OR9Q1: variants seen among roughly 807,000 people sequenced by gnomAD.
OR9Q1 encodes the protein olfactory receptor family 9 subfamily Q member 1.
For missense variants in OR9Q1, 374 were observed against 378.8 expected (o/e 0.99, Z 0.11); for synonymous variants, 153 against 148.6 (o/e 1.03, Z -0.22).
chr11:58,103,353 C>A (rs779044777), intron 2 of OR9Q1, among the ~76,000 whole-genome samples: 4 of 152,046 alleles, frequency 2.6e-5, no homozygotes, highest in Non-Finnish European at 4.4e-5. Context: ...CCACAACATG[C>A]GGTGATTATG....
At chr11:58,109,272 C>T (rs749304851) in intron 2 of OR9Q1, 2 of 462,536 alleles carry the variant, frequency 4.3e-6, no homozygotes, top group Non-Finnish European at 8.7e-6. Flanking sequence ...TGTTACAGTG[C>T]AGTGGATTGC....
At chr11:58,080,780 G>A (rs570352636) in intron 2 of OR9Q1, among the ~76,000 whole-genome samples, 12 of 152,058 alleles carry the variant, frequency 7.9e-5, no homozygotes, top group African/African-American at 2.2e-4. Context: ...TTGACTGCTC[G>A]TATGTGTCCA....
intron 2 of OR9Q1, among the ~76,000 whole-genome samples, chr11:58,154,097 G>T (rs1337631245): frequency 1.3e-5 from 2 of 151,654 alleles, no homozygotes; most frequent in African/African-American, 4.9e-5. Flanking sequence ...AGAAGAAGAA[G>T]GGGAGGAGGA....
chr11:58,092,136 CCATTTA>C (rs1853690383), intron 2 of OR9Q1, among the ~76,000 whole-genome samples: 1 of 152,016 alleles, frequency 6.6e-6, no homozygotes, highest in African/African-American at 2.4e-5. Flanking sequence ...GGCATTTAGC[CCATTTA>C]CATTTAAGGT....
At chr11:58,088,523 A>G (rs1339820679) in intron 2 of OR9Q1, among the ~76,000 whole-genome samples, 7 of 151,890 alleles carry the variant, frequency 4.6e-5, no homozygotes, top group Non-Finnish European at 8.8e-5. Context: ...TCTAACTGGA[A>G]TGAGATGGTA....
In OR9Q1 at chr11:58,181,444, G is replaced by A. The variant is rs1854664850; in HGVS notation, c.*1067G>A. ...AATCTTTACTTCTCTAATCACAGGG[G>A]ACTTGTCTCAATCAAACCCAAGGCA... is the stretch of plus-strand genomic sequence containing the variant. On this transcript the variant is annotated 3_prime_UTR_variant, in exon 3 of 3. Transcript: ENST00000335397. 1.2e-5 allele frequency: 2 copies of A among 166,642 alleles called. No individual in the cohort carries two copies. The highest frequency in any genetic ancestry group is 1.3e-4 in the Admixed American group (2 of 15,228). 10.3% of individuals were successfully genotyped at this position (166,642 alleles called of 1,614,324 possible).
At chr11:58,118,703 C>T in intron 2 of OR9Q1, 2 of 1,614,080 alleles carry the variant, frequency 1.2e-6, no homozygotes, top group East Asian at 2.2e-5. Flanking sequence ...AAAAGGGCCA[C>T]AGCAGTGATG....
At chr11:58,043,722 C>T (rs1853188960) in intron 1 of OR9Q1, among the ~76,000 whole-genome samples, 1 of 152,224 alleles carries the variant, frequency 6.6e-6, no homozygotes. Context: ...ATTGCCAAGT[C>T]TCCCTGCCTA....
At chr11:58,046,611 C>T (rs751292440) in intron 1 of OR9Q1, among the ~76,000 whole-genome samples, 54 of 152,230 alleles carry the variant, frequency 3.5e-4, no homozygotes, top group Non-Finnish European at 6.2e-4. Context: ...CCTGTAATTC[C>T]AGCACTTTGG....
At chr11:58,033,134 G>A (rs1351549719) in intron 1 of OR9Q1, among the ~76,000 whole-genome samples, 1 of 152,184 alleles carries the variant, frequency 6.6e-6, no homozygotes, top group African/African-American at 2.4e-5. Context: ...CAGAGAAAAG[G>A]GAATGCTTAT....
rs763685741 is a variant in OR9Q1 at position 58,179,738 on chromosome 11, T to C, written c.294T>C (p.Ala98=). 3 of 1,614,116 alleles carry C rather than the reference T, an allele frequency of 1.9e-6. No homozygotes were observed. Among genetic ancestry groups the C allele is most frequent in the Non-Finnish European group, 2.5e-6 (3 of 1,180,044 alleles). ...HGAALSYTRC[A]AQFFLFTFFG... ...CAGCTTTATCTTACACACGCTGTGC[T>C]GCTCAGTTCTTTCTGTTCACCTTCT... The change falls in exon 3 of 3, where the codon GCT becomes GCC. Residue 98 remains alanine (A), a synonymous_variant. Coordinates refer to ENST00000335397, the MANE Select transcript of OR9Q1 (RefSeq NM_001005212.4).
chr11:58,142,597 C>T (rs1021506028), intron 2 of OR9Q1, among the ~76,000 whole-genome samples: 2 of 152,150 alleles, frequency 1.3e-5, no homozygotes, highest in African/African-American at 2.4e-5. Context: ...TTACTTTATT[C>T]TTTATCTAAA....
At chr11:58,100,913 C>A (rs1012562432) in intron 2 of OR9Q1, among the ~76,000 whole-genome samples, 3 of 151,908 alleles carry the variant, frequency 2.0e-5, no homozygotes, top group Admixed American at 2.0e-4. Flanking sequence ...ATAAGCCAGG[C>A]ACAGAAAGAT....
intron 2 of OR9Q1, among the ~76,000 whole-genome samples, chr11:58,150,115 T>G (rs1263779658): frequency 6.6e-6 from 1 of 152,240 alleles, no homozygotes; most frequent in East Asian, 1.9e-4. Context: ...GTTTTTCACA[T>G]GCTCAACACT....
At chr11:58,082,448 G>A (rs201010468) in intron 2 of OR9Q1, among the ~76,000 whole-genome samples, 103 of 151,946 alleles carry the variant, frequency 6.8e-4, no homozygotes, top group African/African-American at 2.4e-3. Context: ...CCTTTGTAGG[G>A]ACATGGATGA....
intron 2 of OR9Q1, among the ~76,000 whole-genome samples, chr11:58,123,034 G>C (rs947348143): frequency 6.6e-6 from 1 of 151,564 alleles, no homozygotes; most frequent in African/African-American, 2.4e-5. Flanking sequence ...AATTCTACTA[G>C]AGACTGTGAG....
chr11:58,126,851 A>C (rs1423124340), intron 2 of OR9Q1, among the ~76,000 whole-genome samples: 1 of 152,170 alleles, frequency 6.6e-6, no homozygotes, highest in Non-Finnish European at 1.5e-5. Flanking sequence ...TGGGGTGACT[A>C]TACAGTAGAT....
intron 1 of OR9Q1, among the ~76,000 whole-genome samples, chr11:58,030,567 C>T (rs1400680344): frequency 1.3e-5 from 2 of 152,158 alleles, no homozygotes; most frequent in South Asian, 2.1e-4. Flanking sequence ...ACAATCTCCT[C>T]TCTGATGTCT....
chr11:58,037,360 T>C (rs192073499), intron 1 of OR9Q1, among the ~76,000 whole-genome samples: 81 of 152,230 alleles, frequency 5.3e-4, no homozygotes, highest in African/African-American at 1.9e-3. Flanking sequence ...TATTCACTTA[T>C]TTCTGTGATC....
Sources: gnomAD v4.1 joint callset for allele counts (sites outside exome capture counted in the v4.1 genomes callset) on GRCh38, gnomAD v4.1.1 for gene constraint, MANE v1.5 for transcripts, NCBI Gene and HGNC (gene_info 2026-07-23, HGNC 2026-07-21) for gene names.